FAM83G: variants seen among roughly 807,000 people sequenced by gnomAD.
The protein encoded by FAM83G is scaffolding CK1 anchoring protein G.
Under a neutral mutation model 61.5 loss-of-function variants are expected in FAM83G, and 38 were observed. That is an observed-to-expected ratio of 0.62 (90% confidence interval 0.48 to 0.81). The LOEUF is 0.81. Among genes scored for constraint, FAM83G ranks in the 30% least tolerant of loss-of-function variants. The pLI is 0.00. For missense variants in FAM83G, 989 were observed against 1,133.6 expected, an observed-to-expected ratio of 0.87 and a Z score of 1.83; for synonymous variants, 470 against 476.1, an observed-to-expected ratio of 0.99 and a Z score of 0.17.
chr17:18,977,695 C>A lies in FAM83G; in HGVS notation c.1971G>T (p.Gly657=). Residue 657 remains glycine (G), a synonymous_variant, in exon 5 of 6, where the codon GGG becomes GGT. Transcript: ENST00000388995. The part of the protein sequence containing the change: ...RQLSAPHITR[G]TFVGPQGGSP... ...AGCCACCCTGGGGTCCAACAAAGGT[C>A]CCTCGGGTTATATGGGGGGCACTCA... 1 of 1,610,606 alleles carries A rather than the reference C, an allele frequency of 6.2e-7. No homozygotes were observed. The highest frequency in any genetic ancestry group is 8.5e-7 in the Non-Finnish European group (1 of 1,179,656).
intron 2 of FAM83G, among the ~76,000 whole-genome samples, chr17:18,990,403 G>A (rs541615162): frequency 4.5e-4 from 69 of 152,190 alleles, no homozygotes; most frequent in Non-Finnish European, 9.1e-4. Flanking sequence ...TCCAGCCCCA[G>A]AATCTCCTTA....
chr17:18,994,614 G>A (rs1213822836), intron 2 of FAM83G, among the ~76,000 whole-genome samples: 1 of 152,174 alleles, frequency 6.6e-6, no homozygotes, highest in Non-Finnish European at 1.5e-5. Flanking sequence ...TGGTGCTCAC[G>A]CAGGACCGGG....
At chr17:18,976,187 C>CAACAAAAAAAAAA (rs2042974735) in intron 5 of FAM83G, 1 of 108,466 alleles carries the variant, frequency 9.2e-6, no homozygotes, top group African/African-American at 3.5e-5. Flanking sequence ...GACTCCGACT[C>CAACAAAAAAAAAA]AAAAAAAAAG....
intron 5 of FAM83G, among the ~76,000 whole-genome samples, chr17:18,973,152 C>T (rs545733276): frequency 2.0e-5 from 3 of 152,218 alleles, no homozygotes; most frequent in Non-Finnish European, 4.4e-5. Flanking sequence ...GCACAGTAGG[C>T]AAGTGGTACC....
rs747059088 is a variant in FAM83G, at chr17:19,003,958, G to A, written c.84C>T (p.Ser28=). The part of the protein sequence containing the change: ...SSESKPEFFY[S]EEQRLALEAL... ...CCTCCAGCGCCAGCCGCTGCTCCTC[G>A]CTGTAGAAGAACTCAGGCTTGGACT... The change falls in exon 2 of 6, where the codon AGC becomes AGT. Residue 28 remains serine, a synonymous_variant. Coordinates refer to ENST00000388995, the MANE Select transcript of FAM83G (RefSeq NM_001039999.3). The surrounding 1 kb of genome is among the most constrained non-coding windows in gnomAD (Gnocchi z 4.5). 6.8e-6 allele frequency: 11 copies of A among 1,612,774 alleles called. No individual in the cohort carries two copies. In the African/African-American group the frequency reaches 1.3e-4, roughly 20 times the overall value.
chr17:18,982,216 C>G (rs1453096960), intron 3 of FAM83G, among the ~76,000 whole-genome samples: 3 of 152,220 alleles, frequency 2.0e-5, no homozygotes, highest in Admixed American at 2.0e-4. Context: ...CCTTAGCACA[C>G]AGCAGGGCGG....
chr17:18,987,713 A>G lies in FAM83G; in HGVS notation c.690+534T>C, dbSNP rs554135264. On this transcript the variant is annotated intron_variant, in intron 3 of 5. Transcript: ENST00000388995. Reference sequence around the variant, plus strand: ...TTTCTCCTCTGCTCTTGTGCCTTAAATTCACTTCAACTGTGCAGCCATCGC... The same window carrying G: ...TTTCTCCTCTGCTCTTGTGCCTTAAGTTCACTTCAACTGTGCAGCCATCGC... Among the ~76,000 whole-genome samples the G allele has an allele frequency of 1.3e-3, 195 of 152,324 alleles. 1 individual carries two copies. The highest frequency in any genetic ancestry group is 4.0e-3 in the African/African-American group (168 of 41,572).
At chr17:18,990,774 C>G (rs1216149937) in intron 2 of FAM83G, among the ~76,000 whole-genome samples, 1 of 141,152 alleles carries the variant, frequency 7.1e-6, no homozygotes, top group Non-Finnish European at 1.5e-5. Context: ...CGAGCTTATG[C>G]TGGGGATGGG....
In FAM83G at chr17:18,988,178, G is replaced by T. The variant is rs1004052708; in HGVS notation, c.690+69C>A. On this transcript the variant is annotated intron_variant, in intron 3 of 5. Transcript: ENST00000388995. ...CTCCGTCCAGAGCAGGCAGGTACTC[G>T]AAGTGTTTGTTGACAGACTGAATGA... The T allele has an allele frequency of 8.6e-5, 135 of 1,567,988 alleles. No individual in the cohort carries two copies. The South Asian group carries it at 1.5e-3, about 18-fold the overall frequency.
At chr17:18,993,449 C>T (rs1398146246) in intron 2 of FAM83G, among the ~76,000 whole-genome samples, 1 of 152,186 alleles carries the variant, frequency 6.6e-6, no homozygotes, top group African/African-American at 2.4e-5. Flanking sequence ...GGACAGTTTC[C>T]AACCTGCACG....
intron 3 of FAM83G, among the ~76,000 whole-genome samples, chr17:18,982,842 CA>C (rs566985692): frequency 2.2e-3 from 338 of 152,358 alleles, no homozygotes; most frequent in Middle Eastern, 6.8e-3. Flanking sequence ...CCAATCCTAG[CA>C]CCAAATGGAC....
At chr17:18,987,025 C>T (rs1307636072) in intron 3 of FAM83G, among the ~76,000 whole-genome samples, 1 of 152,194 alleles carries the variant, frequency 6.6e-6, no homozygotes, top group Non-Finnish European at 1.5e-5. Flanking sequence ...AGACTCACCA[C>T]GGAGTGCTCA....
At chr17:18,973,352 C>T (rs1281626874) in intron 5 of FAM83G, among the ~76,000 whole-genome samples, 3 of 152,216 alleles carry the variant, frequency 2.0e-5, no homozygotes, top group Admixed American at 6.5e-5. Flanking sequence ...ATAAGGAGCC[C>T]GAGGCCCAGA....
At position 18,968,965 on chromosome 17, in the gene FAM83G, G is replaced by A. The variant is rs2042768711; in HGVS notation, c.*2394C>T. On this transcript the variant is annotated 3_prime_UTR_variant, in exon 6 of 6. Transcript: ENST00000388995. The surrounding 1 kb of genome is among the most constrained non-coding windows in gnomAD (Gnocchi z 4.1). ...CTTATCCACAGGCCACCGAGGCCCAGAGAGGGCCTTGCCCGAGGTCACCCA... is the reference window on the plus strand; with the variant it reads ...CTTATCCACAGGCCACCGAGGCCCAAAGAGGGCCTTGCCCGAGGTCACCCA... The A allele has an allele frequency of 7.5e-7, 1 of 1,328,640 alleles. No individual in the cohort carries two copies. Among genetic ancestry groups the A allele is most frequent in the Admixed American group, 2.2e-5 (1 of 44,656 alleles). 82.3% of individuals were successfully genotyped at this position (1,328,640 alleles called of 1,614,324 possible).
At chr17:19,002,075 C>T (rs1356315070) in intron 2 of FAM83G, among the ~76,000 whole-genome samples, 1 of 152,144 alleles carries the variant, frequency 6.6e-6, no homozygotes, top group Non-Finnish European at 1.5e-5. Flanking sequence ...AGGTGTGGGG[C>T]GGGTCTCTCA....
chr17:18,970,847 A>C lies in FAM83G; in HGVS notation c.*512T>G. ...ATTCAAATACACCTTAAAAAAAAAA[A>C]CAACCCTCTACCCTCACACCTTTCC... On this transcript the variant is annotated 3_prime_UTR_variant, in exon 6 of 6. Transcript: ENST00000388995. 1.6e-6 allele frequency: 1 copy of C among 616,806 alleles called. No homozygotes were observed. 38.2% of individuals were successfully genotyped at this position (616,806 alleles called of 1,614,324 possible). A position where few individuals can be genotyped will look rare whatever the true frequency, so the allele number is the denominator to read the frequency against.
At chr17:18,997,378 C>T (rs1370264341) in intron 2 of FAM83G, among the ~76,000 whole-genome samples, 1 of 152,252 alleles carries the variant, frequency 6.6e-6, no homozygotes, top group Non-Finnish European at 1.5e-5. Context: ...GGGCAAGATC[C>T]TTTCCCGCTG....
rs1305893077 is a variant in FAM83G, at chr17:18,979,584, A to G, written c.780T>C (p.Phe260=). The change falls in exon 4 of 6, where the codon TTT becomes TTC. Residue 260 remains phenylalanine, a synonymous_variant. Coordinates refer to ENST00000388995, the MANE Select transcript of FAM83G (RefSeq NM_001039999.3). The stretch of plus-strand genomic sequence containing the variant: ...CGCACACAGCCCGGTCTCCATCCAC[A>G]AACATGAACTTCTGGGCCAGGGCAC... The part of the protein sequence containing the change: ...FKGALAQKFM[F]VDGDRAVCGS... The G allele has an allele frequency of 1.2e-6, 2 of 1,613,520 alleles. No individual in the cohort carries two copies. The highest frequency in any genetic ancestry group is 1.7e-6 in the Non-Finnish European group (2 of 1,179,988).
rs770835353 is a variant in FAM83G at position 18,971,564 on chromosome 17, G to A, written c.2267C>T (p.Pro756Leu). The A allele has an allele frequency of 7.4e-6, 12 of 1,613,670 alleles. No homozygotes were observed. The highest frequency in any genetic ancestry group is 1.3e-5 in the African/African-American group (1 of 74,934). Residue 756 changes from proline to leucine, a missense_variant, in exon 6 of 6, where the codon CCG becomes CTG. By Grantham distance (98) the Pro-to-Leu change is moderately conservative. Around this residue, in one of 3 missense-constraint regions of FAM83G, gnomAD observed 574 missense variants for 645.1 expected, o/e 0.89. Coordinates refer to ENST00000388995, the MANE Select transcript of FAM83G (RefSeq NM_001039999.3). The surrounding 1 kb of genome is among the most constrained non-coding windows in gnomAD (Gnocchi z 5.5). ...GGCCAGTCTTGGGCTGCCGGGATCC[G>A]GAAGCAGGCGGGGTACCTGACCTCC... Reference protein sequence around the residue: ...AKGGQVPRLLPDPGSPRLAQN... With the variant: ...AKGGQVPRLLLDPGSPRLAQN...
Sources: gnomAD v4.1 joint callset for allele counts (sites outside exome capture counted in the v4.1 genomes callset) on GRCh38, gnomAD v4.1.1 for gene constraint, gnomAD v4.1.1 regional missense constraint, Gnocchi (gnomAD v3.1) non-coding constraint, MANE v1.5 for transcripts, NCBI Gene and HGNC (gene_info 2026-07-23, HGNC 2026-07-21) for gene names.